The following TTC17 variants were observed in gnomAD, a reference collection of about 807,000 sequenced individuals.
TTC17 encodes the protein tetratricopeptide repeat domain 17.
In TTC17, 58 loss-of-function variants were observed where a neutral mutation model predicts 143.8. The ratio of observed to expected loss-of-function variants is 0.40; its 90% CI spans 0.33 to 0.50. The LOEUF (loss-of-function observed/expected upper bound fraction) is 0.50. Among genes scored for constraint, TTC17 ranks in the 20% least tolerant of loss-of-function variants. TTC17 has a pLI of 0.49. For missense variants in TTC17, 1,273 were observed against 1,392.5 expected (o/e 0.91, Z 1.37); for synonymous variants, 501 against 497.8 (o/e 1.01, Z -0.09).
chr11:43,443,370 C>G lies in TTC17; in HGVS notation c.2297C>G (p.Ser766Ter). ...AATGGTTCTGATGAGATGGAGAATT[C>G]AGATGAAACCAAAATGTCAGAAGAA... ...ESNGSDEMEN[S>*]DETKMSEEIL... The change falls in exon 17 of 24, where the codon TCA becomes TGA. Residue 766 changes from serine to a stop codon, truncating the protein, a stop_gained. Transcript: ENST00000039989. LOFTEE classifies it high-confidence loss of function. 6.2e-7 allele frequency: 1 copy of G among 1,614,064 alleles called. No individual in the cohort carries two copies. The highest frequency in any genetic ancestry group is 8.5e-7 in the Non-Finnish European group (1 of 1,179,986).
intron 18 of TTC17, chr11:43,446,759 C>T (rs1236726927): frequency 2.5e-6 from 2 of 805,100 alleles, no homozygotes; most frequent in Non-Finnish European, 3.0e-6. Flanking sequence ...ATAACTCCTT[C>T]AGAAAACCCT....
At position 43,448,096 on chromosome 11, in the gene TTC17, G is replaced by C. The variant is rs142799829; in HGVS notation, c.2760G>C (p.Trp920Cys). 3.7e-6 allele frequency: 6 copies of C among 1,613,992 alleles called. No homozygotes were observed. The African/African-American group carries it at 5.3e-5, about 14-fold the overall frequency. ...WVELTAIVST[W>C]LAVSSKNIDI... ...AGCTGACTGCCATCGTGAGTACCTG[G>C]CTTGCAGTTTCTTCAAAAAACATTG... is the stretch of plus-strand genomic sequence containing the variant. The change falls in exon 19 of 24, where the codon TGG becomes TGC. Residue 920 changes from tryptophan (W) to cysteine (C), a missense_variant. Transcript: ENST00000039989.
chr11:43,435,114 GATAGA>G, intron 16 of TTC17: 1 of 152,024 alleles, frequency 6.6e-6, no homozygotes, highest in Non-Finnish European at 1.5e-5. Context: ...TAGATAGATA[GATAGA>G]TAGATAGATA....
At chr11:43,449,267 CCT>C (rs1565172674) in intron 19 of TTC17, 1 of 152,288 alleles carries the variant, frequency 6.6e-6, no homozygotes, top group Non-Finnish European at 1.5e-5. Flanking sequence ...TCTCTTTTGC[CCT>C]CTCTCCTGCC....
intron 1 of TTC17, among the ~76,000 whole-genome samples, chr11:43,376,081 G>A (rs1344352066): frequency 2.6e-5 from 4 of 152,150 alleles, no homozygotes; most frequent in African/African-American, 9.7e-5. Context: ...TGAAAATGCA[G>A]AATCCAAAAT....
At chr11:43,404,229 T>A (rs1337008916) in intron 11 of TTC17, 85 bp downstream of exon 11, 5 of 1,344,576 alleles carry the variant, frequency 3.7e-6, no homozygotes, top group Non-Finnish European at 5.1e-6. Flanking sequence ...CTGATTAATA[T>A]GGCCTCTATG....
chr11:43,369,410 A>G (rs1856477439), intron 1 of TTC17, among the ~76,000 whole-genome samples: 1 of 152,214 alleles, frequency 6.6e-6, no homozygotes, highest in African/African-American at 2.4e-5. Context: ...CTGTAAGGAT[A>G]CATTTGTACA....
intron 21 of TTC17, among the ~76,000 whole-genome samples, chr11:43,484,607 T>C (rs187770887): frequency 1.8e-4 from 28 of 152,246 alleles, no homozygotes; most frequent in Admixed American, 1.1e-3. Context: ...AGCAGGTCTT[T>C]ATATGGAAAG....
chr11:43,463,284 C>T (rs966640113), intron 21 of TTC17, among the ~76,000 whole-genome samples: 5 of 151,768 alleles, frequency 3.3e-5, no homozygotes, highest in Non-Finnish European at 7.4e-5. Context: ...TATGACTGAG[C>T]CATAAAAAAG....
Position 43,460,425 on chromosome 11 carries a change from A to G in TTC17, c.3030+9160A>G, listed in dbSNP as rs561821938. Among the ~76,000 whole-genome samples, 34 of 152,146 alleles carry G rather than the reference A, an allele frequency of 2.2e-4. No individual in the cohort carries two copies. The South Asian group carries it at 6.2e-3, about 28-fold the overall frequency. Reference sequence around the variant, plus strand: ...GGCTTCTGTCCAGCCTGAAATACCAATTTCCTCAGTGGTTTTCCAGCCTCC... The same window carrying G: ...GGCTTCTGTCCAGCCTGAAATACCAGTTTCCTCAGTGGTTTTCCAGCCTCC... On this transcript the variant is annotated intron_variant, in intron 21 of 23. Transcript: ENST00000039989.
intron 1 of TTC17, among the ~76,000 whole-genome samples, chr11:43,377,040 A>C (rs181626035): frequency 1.4e-3 from 217 of 152,330 alleles, no homozygotes; most frequent in Middle Eastern, 3.4e-3. Context: ...CATGCCTGTA[A>C]TCCCAGCACT....
intron 1 of TTC17, chr11:43,370,107 C>T: frequency 2.2e-6 from 1 of 455,058 alleles, no homozygotes; most frequent in South Asian, 1.6e-5. Flanking sequence ...GCGTATCTCT[C>T]TCAAGAGTGG....
At chr11:43,492,481 A>T (rs1159708217) in intron 23 of TTC17, among the ~76,000 whole-genome samples, 1 of 152,232 alleles carries the variant, frequency 6.6e-6, no homozygotes, top group Admixed American at 6.5e-5. Flanking sequence ...CCATGTAGAC[A>T]CACATACATG....
intron 1 of TTC17, among the ~76,000 whole-genome samples, chr11:43,378,039 G>A (rs930854580): frequency 1.6e-4 from 24 of 152,256 alleles, no homozygotes; most frequent in African/African-American, 5.5e-4. Context: ...GAGTAGCTGG[G>A]ACTACAGTCC....
intron 16 of TTC17, among the ~76,000 whole-genome samples, chr11:43,441,275 C>CAAAA (rs770291331): frequency 7.6e-6 from 1 of 131,066 alleles, no homozygotes; most frequent in Non-Finnish European, 1.6e-5. Context: ...GACTCTATCT[C>CAAAA]AAAAAAAAAA....
chr11:43,387,272 C>T (rs1011365480), intron 2 of TTC17, among the ~76,000 whole-genome samples: 10 of 152,174 alleles, frequency 6.6e-5, no homozygotes, highest in East Asian at 1.9e-4. Context: ...ACAAATAGCC[C>T]GCAGAACCTC....
intron 1 of TTC17, among the ~76,000 whole-genome samples, chr11:43,376,522 C>CATAA (rs1044938830): frequency 1.3e-5 from 2 of 152,168 alleles, no homozygotes; most frequent in African/African-American, 4.8e-5. Flanking sequence ...GTGAAAAAGC[C>CATAA]ATAAAGTGCT....
intron 11 of TTC17, 124 bp from the exon 12 acceptor site, chr11:43,405,390 C>T (rs1858070601): frequency 1.4e-6 from 1 of 735,560 alleles, no homozygotes; most frequent in Non-Finnish European, 2.3e-6. Flanking sequence ...ATTATAGAGT[C>T]TACCATAATC....
chr11:43,457,277 C>G (rs1947782176), intron 21 of TTC17, among the ~76,000 whole-genome samples: 1 of 152,006 alleles, frequency 6.6e-6, no homozygotes. Context: ...ACTGTATGCC[C>G]CAACTTAACA....
Sources: gnomAD v4.1 joint callset for allele counts (sites outside exome capture counted in the v4.1 genomes callset) on GRCh38, gnomAD v4.1.1 for gene constraint, MANE v1.5 for transcripts, NCBI Gene and HGNC (gene_info 2026-07-23, HGNC 2026-07-21) for gene names.